Variants in CD109 observed in about 807,000 individuals in gnomAD.
The protein encoded by CD109 is CD109 molecule, also known as CD109 antigen.
Under a neutral mutation model 165.8 loss-of-function variants are expected in CD109, and 149 were observed. The observed-to-expected ratio is 0.90, with a 90% confidence interval of 0.79 to 1.03. The LOEUF is 1.03. Among genes scored for constraint, CD109 ranks in the 50% least tolerant of loss-of-function variants. CD109 has a pLI of 0.00. For synonymous variants in CD109, 585 were observed against 592.1 expected (o/e 0.99, Z 0.18); for missense variants, 1,712 against 1,677.8 (o/e 1.02, Z -0.36).
intron 23 of CD109, among the ~76,000 whole-genome samples, chr6:73,798,275 T>TGGC (rs1486824039): frequency 6.6e-6 from 1 of 152,040 alleles, no homozygotes; most frequent in East Asian, 1.9e-4. Context: ...CCACCACACC[T>TGGC]GGCTAATTTT....
At chr6:73,806,390 A>T (rs1036711072) in intron 24 of CD109, among the ~76,000 whole-genome samples, 2 of 152,162 alleles carry the variant, frequency 1.3e-5, no homozygotes, top group Admixed American at 6.5e-5. Context: ...GAGGGATAGC[A>T]TTAGGAGACA....
upstream of CD109, chr6:73,695,766 T>A (rs1770796010): frequency 5.0e-6 from 1 of 198,728 alleles, no homozygotes; most frequent in Non-Finnish European, 1.0e-5. Flanking sequence ...GGACAATGAT[T>A]GACTTTTTTC....
intron 7 of CD109, among the ~76,000 whole-genome samples, chr6:73,761,459 C>T (rs1773627510): frequency 6.6e-6 from 1 of 152,156 alleles, no homozygotes; most frequent in Non-Finnish European, 1.5e-5. Flanking sequence ...CTGTTTTAAG[C>T]TACTATAGTT....
At chr6:73,679,195 C>G in the CD109 span, among the ~76,000 whole-genome samples, 104 of 152,138 alleles carry the variant, frequency 6.8e-4, no homozygotes, top group African/African-American at 2.4e-3. Context: ...GGCAGGGTGA[C>G]CAGAAGTGAA....
rs889002818 is a variant in CD109, at chr6:73,773,160, T to A, written c.1827+1579T>A. The stretch of plus-strand genomic sequence containing the variant: ...ACACCCCATCTGATGTGCTGCGCAC[T>A]CTGTCTCTATTTACATTTATATATG... On this transcript the variant is annotated intron_variant, in intron 15 of 32. Coordinates refer to ENST00000287097, the MANE Select transcript of CD109 (RefSeq NM_133493.5). Among the ~76,000 whole-genome samples the A allele has an allele frequency of 1.1e-3, 162 of 151,062 alleles. 1 individual carries two copies. Among genetic ancestry groups the A allele is most frequent in the African/African-American group, 3.8e-3 (156 of 41,374 alleles).
intron 5 of CD109, among the ~76,000 whole-genome samples, chr6:73,744,030 T>A (rs1157285218): frequency 6.6e-6 from 1 of 152,218 alleles, no homozygotes; most frequent in Non-Finnish European, 1.5e-5. Context: ...GTTATTTTCG[T>A]TTTTTAAAAA....
At chr6:73,799,501 C>T (rs576987806) in intron 23 of CD109, among the ~76,000 whole-genome samples, 20 of 152,208 alleles carry the variant, frequency 1.3e-4, no homozygotes, top group Non-Finnish European at 2.1e-4. Flanking sequence ...AGCATAGCGC[C>T]GGCATTTCCC....
rs374380719 is a variant in CD109, at chr6:73,826,297, C to A, written c.*2664C>A. 6.6e-6 allele frequency: 1 copy of A among 152,162 alleles called. No homozygotes were observed. The highest frequency in any genetic ancestry group is 1.5e-5 in the Non-Finnish European group (1 of 68,024). The allele number at this position is 152,162 out of a possible 1,614,324, so 9.4% of individuals were successfully genotyped here. ...CTATGAGTAATAATATTAAAAAACT[C>A]ATTTTACCATTAAGATTCCTTATGC... On this transcript the variant is annotated 3_prime_UTR_variant, in exon 33 of 33. Coordinates refer to ENST00000287097, the MANE Select transcript of CD109 (RefSeq NM_133493.5).
chr6:73,723,829 G>A (rs1242445994), intron 3 of CD109, among the ~76,000 whole-genome samples: 1 of 151,962 alleles, frequency 6.6e-6, no homozygotes, highest in Non-Finnish European at 1.5e-5. Flanking sequence ...TAATCTGTGC[G>A]ACAACCCCCA....
chr6:73,796,734 C>T lies in CD109; in HGVS notation c.2878+3932C>T, dbSNP rs543198277. On this transcript the variant is annotated intron_variant, in intron 23 of 32. Transcript: ENST00000287097. The stretch of plus-strand genomic sequence containing the variant: ...GGGTCCAGAAGATCTCTGAAGCGCC[C>T]CCACAGTGTAGCATGATGATCTCTG... 2.0e-5 allele frequency among the ~76,000 whole-genome samples: 3 copies of T among 152,240 alleles called. No individual in the cohort carries two copies. In the East Asian group the frequency reaches 5.8e-4, roughly 29 times the overall value.
intron 23 of CD109, among the ~76,000 whole-genome samples, chr6:73,795,922 T>C (rs1775147620): frequency 6.6e-6 from 1 of 152,208 alleles, no homozygotes; most frequent in South Asian, 2.1e-4. Flanking sequence ...CAGTGAGATA[T>C]GTCAGCATTT....
chr6:73,714,185 C>T (rs75484299), intron 2 of CD109, among the ~76,000 whole-genome samples: 203 of 152,248 alleles, frequency 1.3e-3, no homozygotes, highest in Middle Eastern at 0.01. Flanking sequence ...GGGCCCAGAT[C>T]GCTCTTTAGG....
Position 73,768,137 on chromosome 6 carries a change from C to T in CD109, c.1580C>T (p.Pro527Leu). Residue 527 changes from proline (P) to leucine (L), a missense_variant, in exon 14 of 33, where the codon CCA (proline) becomes CTA (leucine). Transcript: ENST00000287097. ...TTAACACCAGAAAATTCTTGGACTC[C>T]AAAAGCCTGTGTAATTGTGTATTAT... ...FSLTPENSWTPKACVIVYYIE... is the reference protein window; with the variant it reads ...FSLTPENSWTLKACVIVYYIE... 3 of 1,609,584 alleles carry T rather than the reference C, an allele frequency of 1.9e-6. No homozygotes were observed. Among genetic ancestry groups the T allele is most frequent in the Non-Finnish European group, 8.5e-7 (1 of 1,176,162 alleles).
At chr6:73,765,835 G>A in intron 10 of CD109, 95 bp from the exon 11 acceptor site, 1 of 881,820 alleles carries the variant, frequency 1.1e-6, no homozygotes, top group Non-Finnish European at 1.8e-6. Context: ...AATAATTTTT[G>A]AGAGTTCAAT....
chr6:73,788,634 A>G, intron 22 of CD109, 22 bp downstream of exon 22: 3 of 1,579,198 alleles, frequency 1.9e-6, no homozygotes, highest in Non-Finnish European at 1.7e-6. Flanking sequence ...GTATATCACC[A>G]TCTATTGGTT....
At chr6:73,773,643 T>G (rs1774130298) in intron 15 of CD109, among the ~76,000 whole-genome samples, 1 of 152,198 alleles carries the variant, frequency 6.6e-6, no homozygotes, top group African/African-American at 2.4e-5. Context: ...GTTATCAGTA[T>G]TTGAATCTTC....
At chr6:73,810,766 C>T (rs1305142363) in intron 27 of CD109, among the ~76,000 whole-genome samples, 4 of 152,062 alleles carry the variant, frequency 2.6e-5, no homozygotes, top group Non-Finnish European at 5.9e-5. Flanking sequence ...AGGGATTAAT[C>T]TGACAAAAAT....
At chr6:73,687,881 A>G in the CD109 span, among the ~76,000 whole-genome samples, 3 of 152,200 alleles carry the variant, frequency 2.0e-5, no homozygotes, top group Non-Finnish European at 1.5e-5. Flanking sequence ...CAAAGTGGGA[A>G]CTGCCTCAGC....
At chr6:73,796,643 G>T (rs1775175584) in intron 23 of CD109, among the ~76,000 whole-genome samples, 1 of 152,086 alleles carries the variant, frequency 6.6e-6, no homozygotes, top group Non-Finnish European at 1.5e-5. Flanking sequence ...ATCCAGAATG[G>T]GCGAATAACT....
Sources: allele counts gnomAD v4.1 joint callset (sites outside exome capture counted in the v4.1 genomes callset), GRCh38; gene constraint gnomAD v4.1.1; transcripts MANE v1.5; gene names NCBI Gene and HGNC (gene_info 2026-07-23, HGNC 2026-07-21).